RERG: variants seen among roughly 807,000 people sequenced by gnomAD.
RERG encodes the protein RAS like estrogen regulated growth inhibitor.
RERG carries 25 observed loss-of-function variants against 23.2 expected under a neutral mutation model. The observed-to-expected ratio is 1.08, with a 90% CI of 0.79 to 1.50. The LOEUF (loss-of-function observed/expected upper bound fraction) is 1.50. RERG is among the 40% of genes most tolerant of loss of function. The pLI is 0.00. For synonymous variants in RERG, 81 were observed against 89.1 expected (o/e 0.91, Z 0.51); for missense variants, 253 against 250.1 (o/e 1.01, Z -0.08).
chr12:15,113,159 GC>G (rs1395348191), intron 3 of RERG, among the ~76,000 whole-genome samples: 4 of 152,138 alleles, frequency 2.6e-5, no homozygotes, highest in Non-Finnish European at 2.9e-5. Flanking sequence ...AAGGCCAGAA[GC>G]AAGTTTATGT....
chr12:15,165,456 C>T (rs1864673619), intron 2 of RERG, among the ~76,000 whole-genome samples: 1 of 152,208 alleles, frequency 6.6e-6, no homozygotes, highest in Non-Finnish European at 1.5e-5. Context: ...ACACTTTATG[C>T]TTCCCTAAGG....
intron 2 of RERG, among the ~76,000 whole-genome samples, chr12:15,182,172 C>T (rs144873805): frequency 0.06 from 9,159 of 151,578 alleles, 944 homozygotes; most frequent in African/African-American, 0.21. Flanking sequence ...AATTCCCCTG[C>T]CTCAGCCTCT....
intron 2 of RERG, among the ~76,000 whole-genome samples, chr12:15,214,000 G>GAGTA (rs1555132596): frequency 6.5e-4 from 21 of 32,438 alleles, no homozygotes; most frequent in Admixed American, 5.2e-3. Context: ...GAAAGTATGT[G>GAGTA]TGTGTGTGTG....
chr12:15,113,068 A>G (rs1350088339), intron 3 of RERG, among the ~76,000 whole-genome samples: 1 of 152,230 alleles, frequency 6.6e-6, no homozygotes, highest in African/African-American at 2.4e-5. Context: ...GTCCATCAAA[A>G]CAATAACACT....
chr12:15,170,046 A>G (rs1864755949), intron 2 of RERG, among the ~76,000 whole-genome samples: 1 of 151,226 alleles, frequency 6.6e-6, no homozygotes. Context: ...TGTATTTCTA[A>G]TTGTTATAAA....
intron 2 of RERG, among the ~76,000 whole-genome samples, chr12:15,135,390 G>A (rs1438094569): frequency 2.0e-5 from 2 of 101,980 alleles, no homozygotes; most frequent in Non-Finnish European, 2.5e-5. Flanking sequence ...TTCCCAATTT[G>A]TATTTTCCTT....
intron 2 of RERG, among the ~76,000 whole-genome samples, chr12:15,198,167 C>T (rs1865169984): frequency 6.6e-6 from 1 of 152,086 alleles, no homozygotes; most frequent in Non-Finnish European, 1.5e-5. Flanking sequence ...GGTGAGGAGG[C>T]ATTCACTTAT....
In RERG at chr12:15,166,549, G is replaced by A. The variant is rs550855044; in HGVS notation, c.62-45430C>T. Among the ~76,000 whole-genome samples, 738 of 151,618 alleles carry A rather than the reference G, an allele frequency of 4.9e-3. 5 individuals are homozygous for A. Among genetic ancestry groups the A allele is most frequent in the Non-Finnish European group, 7.8e-3 (528 of 67,826 alleles). On this transcript the variant is annotated intron_variant, in intron 2 of 4. Transcript: ENST00000256953. Reference sequence around the variant, plus strand: ...TGGTGGTGGTGGTGGTGGTAGTGGTGTTGGTGGTGGTGTTGGTGGTGGTGG... The same window carrying A: ...TGGTGGTGGTGGTGGTGGTAGTGGTATTGGTGGTGGTGTTGGTGGTGGTGG...
rs145474569 is a variant in RERG, at chr12:15,158,413, C to G, written c.62-37294G>C. Among the ~76,000 whole-genome samples, 365 of 152,120 alleles carry G rather than the reference C, an allele frequency of 2.4e-3. 1 individual carries two copies. Among genetic ancestry groups the G allele is most frequent in the African/African-American group, 8.2e-3 (341 of 41,486 alleles). On this transcript the variant is annotated intron_variant, in intron 2 of 4. Coordinates refer to ENST00000256953, the MANE Select transcript of RERG (RefSeq NM_032918.3). ...CTTCCCACTTCAGCTTCCCAAGTAG[C>G]TAGGATTACAGGCACACATCACCAC...
chr12:15,136,977 C>T (rs888580997), intron 2 of RERG, among the ~76,000 whole-genome samples: 1 of 151,908 alleles, frequency 6.6e-6, no homozygotes, highest in South Asian at 2.1e-4. Context: ...TGCTGGATCT[C>T]TCCATTTCTG....
At chr12:15,172,535 T>G (rs1185396063) in intron 2 of RERG, among the ~76,000 whole-genome samples, 1 of 152,138 alleles carries the variant, frequency 6.6e-6, no homozygotes, top group Non-Finnish European at 1.5e-5. Context: ...ATGTTTTACA[T>G]TTTTAGGAGC....
chr12:15,142,880 T>C (rs1290593099), intron 2 of RERG, among the ~76,000 whole-genome samples: 2 of 152,206 alleles, frequency 1.3e-5, no homozygotes, highest in Admixed American at 6.5e-5. Flanking sequence ...ATACATATAC[T>C]GGCAAAAGCA....
chr12:15,177,839 GTT>G (rs11304470), intron 2 of RERG, among the ~76,000 whole-genome samples: 428 of 112,934 alleles, frequency 3.8e-3, no homozygotes, highest in Middle Eastern at 0.025. Flanking sequence ...CCCTCTGTTT[GTT>G]TTTTTTTTTT....
At chr12:15,115,177 A>G (rs1199635822) in intron 3 of RERG, among the ~76,000 whole-genome samples, 2 of 152,024 alleles carry the variant, frequency 1.3e-5, no homozygotes, top group African/African-American at 2.4e-5. Flanking sequence ...GTAAATATAT[A>G]ATAATAGCTA....
chr12:15,128,062 TG>T (rs2136093557), intron 2 of RERG, among the ~76,000 whole-genome samples: 1 of 152,344 alleles, frequency 6.6e-6, no homozygotes, highest in East Asian at 1.9e-4. Context: ...ACTTTTCCAC[TG>T]TATTTTAATA....
In RERG at chr12:15,111,358, C is replaced by T. The variant is rs760362560; in HGVS notation, c.178G>A (p.Asp60Asn). The change falls in exon 4 of 5, where the codon GAC (aspartate) becomes AAC (asparagine). Residue 60 changes from aspartate (D) to asparagine (N), a missense_variant. Coordinates refer to ENST00000256953, the MANE Select transcript of RERG (RefSeq NM_032918.3). ...DDEVVSMEIL[D>N]TAGQEDTIQR... ...TCTTTATTCACCTGACCAGCAGTGT[C>T]TAGTATCTCCATGGAAACAACTTCA... is the stretch of plus-strand genomic sequence containing the variant. The T allele has an allele frequency of 1.9e-6, 3 of 1,611,950 alleles. No homozygotes were observed. The South Asian group carries it at 3.3e-5, about 18-fold the overall frequency.
At chr12:15,134,926 G>A (rs1023958046) in intron 2 of RERG, among the ~76,000 whole-genome samples, 19 of 152,140 alleles carry the variant, frequency 1.2e-4, no homozygotes, top group African/African-American at 4.6e-4. Flanking sequence ...ATAAACTTTA[G>A]AATCAATTTG....
chr12:15,206,724 T>C (rs1865296766), intron 2 of RERG, among the ~76,000 whole-genome samples: 1 of 152,148 alleles, frequency 6.6e-6, no homozygotes, highest in African/African-American at 2.4e-5. Context: ...AACTCAGCTC[T>C]GGTTTGCAGC....
At chr12:15,220,778 G>T (rs922147318) in intron 1 of RERG, among the ~76,000 whole-genome samples, 1 of 152,050 alleles carries the variant, frequency 6.6e-6, no homozygotes, top group Non-Finnish European at 1.5e-5. Context: ...CTCTGGTTCT[G>T]AAATCAAGTT....
Sources: gnomAD v4.1 joint callset for allele counts (sites outside exome capture counted in the v4.1 genomes callset) on GRCh38, gnomAD v4.1.1 for gene constraint, MANE v1.5 for transcripts, NCBI Gene and HGNC (gene_info 2026-07-23, HGNC 2026-07-21) for gene names.